SRGAP1: variants seen among roughly 807,000 people sequenced by gnomAD.
SRGAP1 encodes SLIT-ROBO Rho GTPase activating protein 1.
A neutral mutation model predicts 121.9 loss-of-function variants in SRGAP1; 43 were observed. The ratio of observed to expected loss-of-function variants is 0.35; its 90% CI spans 0.28 to 0.46. The LOEUF is 0.46. SRGAP1 is among the 20% of genes least tolerant of loss of function. SRGAP1 has a pLI of 1.00. For missense variants in SRGAP1, 1,102 were observed against 1,350.9 expected, an observed-to-expected ratio of 0.82 and a Z score of 2.89; for synonymous variants, 447 against 485.4, an observed-to-expected ratio of 0.92 and a Z score of 1.04.
intron 6 of SRGAP1, 99 bp from the exon 7 acceptor site, chr12:64,062,818 A>G: frequency 2.5e-6 from 2 of 815,304 alleles, no homozygotes; most frequent in East Asian, 2.7e-5. Flanking sequence ...GCTTACCCCC[A>G]TGTTTCCTTC....
At chr12:63,967,682 T>C (rs1947504) in intron 1 of SRGAP1, among the ~76,000 whole-genome samples, 77,904 of 152,058 alleles carry the variant, frequency 0.51, 20,257 homozygotes, top group African/African-American at 0.6. Context: ...TAAGCCTTGT[T>C]GTTAAGTGTG....
chr12:64,043,040 A>G (rs545374872), intron 5 of SRGAP1, 68 bp downstream of exon 5: 1 of 1,030,684 alleles, frequency 9.7e-7, no homozygotes, highest in East Asian at 2.4e-5. Context: ...CACTGATGCA[A>G]TAGCTGATAT....
chr12:64,006,052 C>T (rs994777309), intron 3 of SRGAP1, among the ~76,000 whole-genome samples: 2 of 152,126 alleles, frequency 1.3e-5, no homozygotes, highest in South Asian at 2.1e-4. Context: ...TTGGTAACTG[C>T]TCTTAGATAG....
chr12:63,875,280 G>T (rs750876612), intron 1 of SRGAP1, among the ~76,000 whole-genome samples: 6 of 151,596 alleles, frequency 4.0e-5, no homozygotes, highest in Non-Finnish European at 7.4e-5. Flanking sequence ...ATTGTTTGGT[G>T]TGTGTGTGTG....
chr12:64,138,970 A>G (rs1247257083), intron 21 of SRGAP1, among the ~76,000 whole-genome samples: 1 of 152,186 alleles, frequency 6.6e-6, no homozygotes, highest in Non-Finnish European at 1.5e-5. Flanking sequence ...AAACAATAAC[A>G]TTCCTAAAAA....
At chr12:64,009,634 G>GC (rs1190755547) in intron 3 of SRGAP1, among the ~76,000 whole-genome samples, 1 of 152,098 alleles carries the variant, frequency 6.6e-6, no homozygotes, top group Non-Finnish European at 1.5e-5. Flanking sequence ...TGTAAGAGAT[G>GC]CCCCAGATAG....
chr12:64,104,280 GA>G (rs201371878), intron 15 of SRGAP1, among the ~76,000 whole-genome samples: 1,548 of 152,172 alleles, frequency 0.01, 28 homozygotes, highest in African/African-American at 0.035. Context: ...GCATTGCTGG[GA>G]AAAAAACATA....
At chr12:63,925,638 A>G (rs985196170) in intron 1 of SRGAP1, among the ~76,000 whole-genome samples, 37 of 152,228 alleles carry the variant, frequency 2.4e-4, no homozygotes, top group African/African-American at 8.7e-4. Context: ...TATCTAAAGT[A>G]GAAAAAGGAA....
intron 1 of SRGAP1, among the ~76,000 whole-genome samples, chr12:63,849,600 G>C (rs531237942): frequency 7.2e-5 from 11 of 152,182 alleles, no homozygotes; most frequent in Non-Finnish European, 1.6e-4. Flanking sequence ...TGGAACATGA[G>C]GAAATGCCAA....
chr12:63,934,208 A>G (rs566181900), intron 1 of SRGAP1, among the ~76,000 whole-genome samples: 43 of 152,064 alleles, frequency 2.8e-4, no homozygotes, highest in Non-Finnish European at 4.6e-4. Context: ...AGGCATGTCA[A>G]CTCTCAGAGA....
rs1565693157 is a variant in SRGAP1, at chr12:64,128,058, C to T, written c.2738C>T (p.Pro913Leu). Residue 913 changes from proline (P) to leucine (L), a missense_variant, in exon 21 of 22, where the codon CCT (proline) becomes CTT (leucine). Around this residue, in one of 3 missense-constraint regions of SRGAP1, gnomAD observed 315 missense variants for 343.1 expected, o/e 0.92. Transcript: ENST00000355086. ...GACAGTCCTGAGCGGAGGCGCAGGC[C>T]TGGCCATGGCAGCCTGACCAACATC... ...NNDSPERRRRPGHGSLTNISR... is the reference protein window; with the variant it reads ...NNDSPERRRRLGHGSLTNISR... 1 of 1,614,176 alleles carries T rather than the reference C, an allele frequency of 6.2e-7. No homozygotes were observed. Among genetic ancestry groups the T allele is most frequent in the African/African-American group, 1.3e-5 (1 of 75,048 alleles).
intron 1 of SRGAP1, among the ~76,000 whole-genome samples, chr12:63,929,996 A>G: frequency 6.6e-6 from 1 of 152,190 alleles, no homozygotes; most frequent in South Asian, 2.1e-4. Flanking sequence ...ACTATGAGAT[A>G]CCATCTCACG....
intron 21 of SRGAP1, among the ~76,000 whole-genome samples, chr12:64,131,392 C>T (rs1447386437): frequency 6.6e-6 from 1 of 152,246 alleles, no homozygotes; most frequent in Admixed American, 6.5e-5. Context: ...TATAATCACA[C>T]ATCTGGCCAT....
In SRGAP1 at chr12:63,991,840, A is replaced by G. The variant is rs115210081; in HGVS notation, c.426+1768A>G. Among the ~76,000 whole-genome samples, 1,196 of 152,366 alleles carry G rather than the reference A, an allele frequency of 7.8e-3. 19 individuals are homozygous for G. Among genetic ancestry groups the G allele is most frequent in the African/African-American group, 0.027 (1,141 of 41,594 alleles). On this transcript the variant is annotated intron_variant, in intron 3 of 21. Transcript: ENST00000355086. ...CTGAGTTCATTTATTTATCCATTCA[A>G]CAAAGCATCTTTAAAATGCCTGGCT...
intron 18 of SRGAP1, among the ~76,000 whole-genome samples, chr12:64,125,485 T>C (rs11833363): frequency 0.016 from 2,385 of 152,304 alleles, 73 homozygotes; most frequent in African/African-American, 0.054. Context: ...GTGATTTTAC[T>C]TGATTTTTTC....
chr12:64,060,073 G>A (rs1197633003), intron 6 of SRGAP1, among the ~76,000 whole-genome samples: 3 of 151,932 alleles, frequency 2.0e-5, no homozygotes, highest in South Asian at 2.1e-4. Context: ...TGAATCACCT[G>A]TGGATCCTTT....
chr12:63,914,432 A>T (rs1351028276), intron 1 of SRGAP1, among the ~76,000 whole-genome samples: 1 of 152,214 alleles, frequency 6.6e-6, no homozygotes, highest in African/African-American at 2.4e-5. Context: ...ATGGGTGTAA[A>T]ATAGATCTAG....
chr12:64,114,570 C>T (rs995865217), intron 17 of SRGAP1, among the ~76,000 whole-genome samples: 9 of 152,070 alleles, frequency 5.9e-5, no homozygotes, highest in African/African-American at 2.2e-4. Context: ...AGGCTGGTCT[C>T]GAGTTCCTGA....
At chr12:63,935,915 C>T (rs1158540238) in intron 1 of SRGAP1, among the ~76,000 whole-genome samples, 1 of 152,058 alleles carries the variant, frequency 6.6e-6, no homozygotes, top group African/African-American at 2.4e-5. Context: ...AATCCAGGAA[C>T]ATTTATACCC....
Sources: gnomAD v4.1 joint callset for allele counts (sites outside exome capture counted in the v4.1 genomes callset) on GRCh38, gnomAD v4.1.1 for gene constraint, gnomAD v4.1.1 regional missense constraint, MANE v1.5 for transcripts, NCBI Gene and HGNC (gene_info 2026-07-23, HGNC 2026-07-21) for gene names.